The following KCNMB2 variants were observed in gnomAD, a reference collection of about 807,000 sequenced individuals.
KCNMB2 encodes the protein calcium-activated potassium channel subunit beta-2.
Under a neutral mutation model 24.5 loss-of-function variants are expected in KCNMB2, and 9 were observed. That is an observed-to-expected ratio of 0.37 (90% CI 0.22 to 0.64). The LOEUF is 0.64. Ranked by LOEUF, KCNMB2 falls within the 30% of genes least tolerant of loss-of-function variation. The pLI, the probability that KCNMB2 is intolerant of heterozygous loss-of-function variation, is 0.63. For missense variants in KCNMB2, 226 were observed against 284.3 expected, an observed-to-expected ratio of 0.79 and a Z score of 1.47; for synonymous variants, 109 against 104.4, an observed-to-expected ratio of 1.04 and a Z score of -0.27.
At chr3:178,559,737 A>G (rs1716249462) in intron 1 of KCNMB2, among the ~76,000 whole-genome samples, 1 of 149,584 alleles carries the variant, frequency 6.7e-6, no homozygotes, top group Non-Finnish European at 1.5e-5. Flanking sequence ...ACTGACAGCA[A>G]TTCATGAATC....
At chr3:178,826,235 T>C (rs1198514170) in intron 3 of KCNMB2, among the ~76,000 whole-genome samples, 1 of 152,034 alleles carries the variant, frequency 6.6e-6, no homozygotes, top group African/African-American at 2.4e-5. Context: ...TTCTCAACTG[T>C]ATATTCCAAT....
intron 1 of KCNMB2, among the ~76,000 whole-genome samples, chr3:178,671,272 T>C (rs1720889247): frequency 6.6e-6 from 1 of 152,186 alleles, no homozygotes; most frequent in Non-Finnish European, 1.5e-5. Context: ...GATTAAAGTT[T>C]CCAATTCAGG....
At chr3:178,825,541 G>A (rs1714798655) in intron 2 of KCNMB2, 47 bp from the exon 3 acceptor site, 2 of 1,528,182 alleles carry the variant, frequency 1.3e-6, no homozygotes, top group Non-Finnish European at 1.8e-6. Context: ...CTAGGGGCAT[G>A]CTGATTAACT....
intron 1 of KCNMB2, among the ~76,000 whole-genome samples, chr3:178,562,948 AAAAAC>A (rs1358321923): frequency 1.3e-5 from 2 of 152,240 alleles, no homozygotes; most frequent in African/African-American, 4.8e-5. Flanking sequence ...TTTTGGATGT[AAAAAC>A]AAAACAAATA....
intron 1 of KCNMB2, among the ~76,000 whole-genome samples, chr3:178,593,917 AC>A (rs1342692926): frequency 2.0e-5 from 3 of 150,114 alleles, no homozygotes; most frequent in Non-Finnish European, 4.4e-5. Context: ...TCATTACCTG[AC>A]TAAGCTTTTA....
At chr3:178,643,092 C>A (rs1577067842) in intron 1 of KCNMB2, among the ~76,000 whole-genome samples, 1 of 152,258 alleles carries the variant, frequency 6.6e-6, no homozygotes, top group Admixed American at 6.5e-5. Flanking sequence ...AAGGAATGAA[C>A]CACTGCATGG....
chr3:178,543,688 C>T (rs965845419), intron 1 of KCNMB2, among the ~76,000 whole-genome samples: 3 of 152,070 alleles, frequency 2.0e-5, no homozygotes, highest in African/African-American at 7.2e-5. Flanking sequence ...ATTTCCGATT[C>T]CTGAAGCTTG....
At chr3:178,713,808 T>C (rs1403001496) in intron 1 of KCNMB2, among the ~76,000 whole-genome samples, 1 of 152,134 alleles carries the variant, frequency 6.6e-6, no homozygotes, top group East Asian at 1.9e-4. Flanking sequence ...TTGGAGGTGC[T>C]CTGAGAATGA....
chr3:178,691,999 G>A (rs991005422), intron 1 of KCNMB2, among the ~76,000 whole-genome samples: 1 of 152,086 alleles, frequency 6.6e-6, no homozygotes, highest in Non-Finnish European at 1.5e-5. Context: ...TTCTCTAATG[G>A]TCAATGATGT....
intron 1 of KCNMB2, among the ~76,000 whole-genome samples, chr3:178,541,811 T>C (rs1451193277): frequency 1.3e-5 from 2 of 152,200 alleles, no homozygotes; most frequent in Non-Finnish European, 2.9e-5. Context: ...GTTCAATTCT[T>C]TGCCTTCTAC....
intron 1 of KCNMB2, among the ~76,000 whole-genome samples, chr3:178,610,649 G>A (rs748948710): frequency 6.6e-6 from 1 of 152,086 alleles, no homozygotes; most frequent in Admixed American, 6.6e-5. Flanking sequence ...GTTTTCTTGT[G>A]GAGTCTCAAA....
intron 1 of KCNMB2, among the ~76,000 whole-genome samples, chr3:178,563,313 C>T (rs1460241619): frequency 1.3e-5 from 2 of 152,184 alleles, no homozygotes; most frequent in African/African-American, 4.8e-5. Context: ...TAAGCATTAT[C>T]TATTAAATAA....
At chr3:178,570,105 A>G (rs1716717452) in intron 1 of KCNMB2, among the ~76,000 whole-genome samples, 1 of 152,060 alleles carries the variant, frequency 6.6e-6, no homozygotes, top group Non-Finnish European at 1.5e-5. Context: ...TCTCCTATGC[A>G]TGTTATTTCT....
rs553896980 is a variant in KCNMB2 at position 178,669,222 on chromosome 3, G to A, written c.-68+132511G>A. Among the ~76,000 whole-genome samples the A allele has an allele frequency of 2.6e-5, 4 of 152,262 alleles. No homozygotes were observed. The South Asian group carries it at 8.3e-4, about 32-fold the overall frequency. ...ATGGATGGGCATGTGACCCACAGGG[G>A]AATTCAGGCTGCTTCTTAATTTATT... On this transcript the variant is annotated intron_variant, in intron 1 of 4. Transcript: ENST00000452583.
At chr3:178,651,142 T>C (rs1720104764) in intron 1 of KCNMB2, among the ~76,000 whole-genome samples, 1 of 152,160 alleles carries the variant, frequency 6.6e-6, no homozygotes, top group South Asian at 2.1e-4. Context: ...GATGACATGA[T>C]TGTATATTTG....
intron 4 of KCNMB2, among the ~76,000 whole-genome samples, chr3:178,832,279 G>A (rs966446772): frequency 1.3e-5 from 2 of 151,994 alleles, no homozygotes; most frequent in African/African-American, 4.8e-5. Flanking sequence ...GTCTTCTGGT[G>A]AGCATTGTTA....
chr3:178,574,911 T>C (rs1577021470), intron 1 of KCNMB2, among the ~76,000 whole-genome samples: 2 of 151,964 alleles, frequency 1.3e-5, no homozygotes, highest in East Asian at 3.9e-4. Flanking sequence ...CTACTAAAAA[T>C]GCAAAAACTA....
intron 1 of KCNMB2, among the ~76,000 whole-genome samples, chr3:178,621,489 T>C (rs1718919208): frequency 6.6e-6 from 1 of 151,108 alleles, no homozygotes; most frequent in Non-Finnish European, 1.5e-5. Context: ...CACCCTTCTC[T>C]TTCTGATATC....
intron 1 of KCNMB2, among the ~76,000 whole-genome samples, chr3:178,622,908 G>A (rs1056800442): frequency 1.9e-4 from 29 of 152,274 alleles, no homozygotes; most frequent in African/African-American, 6.7e-4. Context: ...AGTTAACTAA[G>A]TTTCAAGCCC....
Sources: gnomAD v4.1 joint callset for allele counts (sites outside exome capture counted in the v4.1 genomes callset) on GRCh38, gnomAD v4.1.1 for gene constraint, MANE v1.5 for transcripts, NCBI Gene and HGNC (gene_info 2026-07-23, HGNC 2026-07-21) for gene names.